Variants in AKAP6 observed in about 807,000 individuals in gnomAD.
The protein encoded by AKAP6 is A-kinase anchoring protein 6, also known as A-kinase anchor protein 6.
A neutral mutation model predicts 188.5 loss-of-function variants in AKAP6; 58 were observed. The observed-to-expected ratio is 0.31, with a 90% CI of 0.25 to 0.38. The LOEUF (loss-of-function observed/expected upper bound fraction) is 0.38, where lower values mean the gene tolerates loss of function less well. Ranked by LOEUF, AKAP6 falls within the 10% of genes least tolerant of loss-of-function variation. The pLI is 1.00. For missense variants in AKAP6, 2,710 were observed against 2,740.0 expected (o/e 0.99, Z 0.24); for synonymous variants, 989 against 998.6 (o/e 0.99, Z 0.18).
intron 1 of AKAP6, among the ~76,000 whole-genome samples, chr14:32,335,090 G>A (rs1323289400): frequency 6.6e-6 from 1 of 152,088 alleles, no homozygotes; most frequent in Non-Finnish European, 1.5e-5. Context: ...GGTTAGGACT[G>A]CAGGTGCACA....
chr14:32,547,843 CAAA>C (rs11342356), intron 4 of AKAP6, among the ~76,000 whole-genome samples: 3 of 136,014 alleles, frequency 2.2e-5, no homozygotes, highest in Non-Finnish European at 1.6e-5. Flanking sequence ...GACCCTGTCT[CAAA>C]AAAAAAAAAA....
intron 1 of AKAP6, among the ~76,000 whole-genome samples, chr14:32,417,520 T>G (rs559710862): frequency 6.6e-6 from 1 of 152,276 alleles, no homozygotes; most frequent in South Asian, 2.1e-4. Context: ...CTTTCTTTCC[T>G]GGACTTGAAA....
At chr14:32,335,466 T>G (rs1283069159) in intron 1 of AKAP6, among the ~76,000 whole-genome samples, 1 of 152,114 alleles carries the variant, frequency 6.6e-6, no homozygotes, top group Non-Finnish European at 1.5e-5. Flanking sequence ...AAATAGAAAT[T>G]GTAGTGCTTA....
chr14:32,567,842 G>T (rs954776850), intron 4 of AKAP6, among the ~76,000 whole-genome samples: 2 of 152,088 alleles, frequency 1.3e-5, no homozygotes, highest in African/African-American at 4.8e-5. Flanking sequence ...TTATAGATAT[G>T]TCCAGAAATG....
At chr14:32,435,791 A>G (rs1172326673) in intron 2 of AKAP6, among the ~76,000 whole-genome samples, 1 of 152,224 alleles carries the variant, frequency 6.6e-6, no homozygotes, top group East Asian at 1.9e-4. Flanking sequence ...GAGCCTTTCC[A>G]CATTGAGTTC....
chr14:32,350,695 C>G (rs1270359855), intron 1 of AKAP6, among the ~76,000 whole-genome samples: 1 of 152,082 alleles, frequency 6.6e-6, no homozygotes, highest in African/African-American at 2.4e-5. Flanking sequence ...TGGGAACTCT[C>G]TGTACTATCT....
At position 32,566,996 on chromosome 14, in the gene AKAP6, T is replaced by G. The variant is rs1395868146; in HGVS notation, c.2347-10124T>G. 3.9e-5 allele frequency among the ~76,000 whole-genome samples: 6 copies of G among 152,178 alleles called. No homozygotes were observed. The East Asian group carries it at 1.2e-3, about 29-fold the overall frequency. On this transcript the variant is annotated intron_variant, in intron 4 of 13. Coordinates refer to ENST00000280979, the MANE Select transcript of AKAP6 (RefSeq NM_004274.5). ...CTAGAGCGCAGTAGTGAATCAGAGC[T>G]CCTGCAGCCTGGAACTCCTGGGCTC...
chr14:32,764,921 A>C (rs908186387), intron 11 of AKAP6, among the ~76,000 whole-genome samples: 3 of 150,324 alleles, frequency 2.0e-5, no homozygotes, highest in Admixed American at 1.3e-4. Context: ...ATTATTTTGC[A>C]TTCAAGTGAA....
chr14:32,592,294 C>G (rs1268950737), intron 5 of AKAP6, among the ~76,000 whole-genome samples: 3 of 152,104 alleles, frequency 2.0e-5, no homozygotes, highest in Non-Finnish European at 4.4e-5. Context: ...GCGAAGCAGA[C>G]ACATCAATAA....
intron 12 of AKAP6, among the ~76,000 whole-genome samples, chr14:32,796,678 C>T (rs4982008): frequency 0.026 from 4,000 of 152,220 alleles, 81 homozygotes; most frequent in Non-Finnish European, 0.042. Flanking sequence ...ACTATAAAAA[C>T]GCTAGGAGAA....
At chr14:32,413,175 AT>A (rs10577801) in intron 1 of AKAP6, among the ~76,000 whole-genome samples, 22,764 of 60,318 alleles carry the variant, frequency 0.38, 2,422 homozygotes, top group East Asian at 0.61. Flanking sequence ...ATTTATTGAA[AT>A]TTTTTTTTTT....
Position 32,453,575 on chromosome 14 carries a change from C to CTTTTTTTTTTTTTTTTTTT in AKAP6, c.324+19779_324+19797dup, listed in dbSNP as rs71115071. 1.2e-4 allele frequency among the ~76,000 whole-genome samples: 11 copies of CTTTTTTTTTTTTTTTTTTT among 95,354 alleles called. 1 individual carries two copies. Among genetic ancestry groups the CTTTTTTTTTTTTTTTTTTT allele is most frequent in the Non-Finnish European group, 1.5e-4 (7 of 46,568 alleles). 62.6% of individuals were successfully genotyped at this position (95,354 alleles called of 152,430 possible). On this transcript the variant is annotated intron_variant, in intron 2 of 13. Coordinates refer to ENST00000280979, the MANE Select transcript of AKAP6 (RefSeq NM_004274.5). ...GTGGAGATAATAGAATTTTTCTTTT[C>CTTTTTTTTTTTTTTTTTTT]TTTTTTTTTTTTTTTTTTTTTTTTT...
At position 32,568,031 on chromosome 14, in the gene AKAP6, A is replaced by G. The variant is rs1884281636; in HGVS notation, c.2347-9089A>G. On this transcript the variant is annotated intron_variant, in intron 4 of 13. Transcript: ENST00000280979. This position sits in a 1 kb window ranked among gnomAD's most constrained non-coding sequence, Gnocchi z 6.2. ...GGAAAGAGAAAAAAGAGGCAAAACAACAATAGTCAAGGAAGAAAGAAAAGA... is the reference window on the plus strand; with the variant it reads ...GGAAAGAGAAAAAAGAGGCAAAACAGCAATAGTCAAGGAAGAAAGAAAAGA... Among the ~76,000 whole-genome samples the G allele has an allele frequency of 6.6e-6, 1 of 152,136 alleles. No individual in the cohort carries two copies. The highest frequency in any genetic ancestry group is 1.5e-5 in the Non-Finnish European group (1 of 68,014).
intron 8 of AKAP6, among the ~76,000 whole-genome samples, chr14:32,683,226 T>C (rs1206855591): frequency 6.6e-6 from 1 of 152,060 alleles, no homozygotes; most frequent in Non-Finnish European, 1.5e-5. Flanking sequence ...ACTCCTAACC[T>C]CAAGTGATTC....
chr14:32,776,513 T>C (rs112924009), intron 12 of AKAP6, among the ~76,000 whole-genome samples: 17,875 of 152,248 alleles, frequency 0.12, 1,333 homozygotes, highest in African/African-American at 0.21. Flanking sequence ...CTTGGGTATG[T>C]CTTTATCAGC....
In AKAP6 at chr14:32,535,661, C is replaced by T; in HGVS notation, c.432C>T (p.Ile144=). ...LSYSVNVIVD[I]HAVQLLWHQL... is the part of the protein sequence containing the mutation. ...ACTCTGTCAACGTGATAGTGGACATCCACGCAGTGCAGCTCCTCTGGCACC... is the reference window on the plus strand; with the variant it reads ...ACTCTGTCAACGTGATAGTGGACATTCACGCAGTGCAGCTCCTCTGGCACC... The change falls in exon 3 of 14, where the codon ATC becomes ATT. Residue 144 remains isoleucine, a synonymous_variant. Transcript: ENST00000280979. 1.2e-6 allele frequency: 2 copies of T among 1,614,226 alleles called. No individual in the cohort carries two copies. The highest frequency in any genetic ancestry group is 1.7e-6 in the Non-Finnish European group (2 of 1,180,024).
At chr14:32,686,567 T>C (rs1377231895) in intron 8 of AKAP6, among the ~76,000 whole-genome samples, 1 of 152,006 alleles carries the variant, frequency 6.6e-6, no homozygotes, top group African/African-American at 2.4e-5. Flanking sequence ...TAAATATATA[T>C]ACGTACTATG....
intron 9 of AKAP6, among the ~76,000 whole-genome samples, chr14:32,720,785 T>C (rs1050449556): frequency 1.3e-5 from 2 of 152,098 alleles, no homozygotes; most frequent in East Asian, 1.9e-4. Flanking sequence ...CTCAAGGCTA[T>C]AGTGTGTGTT....
chr14:32,792,853 T>C (rs1319898790), intron 12 of AKAP6, among the ~76,000 whole-genome samples: 1 of 152,192 alleles, frequency 6.6e-6, no homozygotes, highest in Non-Finnish European at 1.5e-5. Flanking sequence ...CGAAGGCCTT[T>C]TCTGCTTCTA....
Sources: allele counts gnomAD v4.1 joint callset (sites outside exome capture counted in the v4.1 genomes callset), GRCh38; gene constraint gnomAD v4.1.1; non-coding constraint Gnocchi (gnomAD v3.1); transcripts MANE v1.5; gene names NCBI Gene and HGNC (gene_info 2026-07-23, HGNC 2026-07-21).